PCDHGA1: variants seen among roughly 807,000 people sequenced by gnomAD.
PCDHGA1 encodes the protein protocadherin gamma subfamily A, 1.
PCDHGA1 carries 32 observed loss-of-function variants against 58.0 expected under a neutral mutation model. That is an observed-to-expected ratio of 0.55 (90% CI 0.42 to 0.74). The LOEUF is 0.74. Ranked by LOEUF, PCDHGA1 falls within the 30% of genes least tolerant of loss-of-function variation. The pLI, the probability that PCDHGA1 is intolerant of heterozygous loss-of-function variation, is 0.00. For missense variants in PCDHGA1, 1,205 were observed against 1,182.3 expected, an observed-to-expected ratio of 1.02 and a Z score of -0.28; for synonymous variants, 498 against 501.1, an observed-to-expected ratio of 0.99 and a Z score of 0.08.
rs764658508 is a variant in PCDHGA1 at position 141,431,546 on chromosome 5, G to A, written c.2422-63261G>A. 1.2e-6 allele frequency: 2 copies of A among 1,614,000 alleles called. No homozygotes were observed. Among genetic ancestry groups the A allele is most frequent in the Admixed American group, 3.3e-5 (2 of 60,012 alleles). On this transcript the variant is annotated intron_variant, in intron 1 of 3. Coordinates refer to ENST00000517417, the MANE Select transcript of PCDHGA1 (RefSeq NM_018912.3). This position sits in a 1 kb window ranked among gnomAD's most constrained non-coding sequence, Gnocchi z 4.8. The stretch of plus-strand genomic sequence containing the variant: ...TCTGGCCTTGGGCACGCAGCTGCTT[G>A]TAGTCAACGCTACCGACCCTGACGA...
intron 1 of PCDHGA1, among the ~76,000 whole-genome samples, chr5:141,348,788 G>A (rs1375979447): frequency 6.6e-6 from 1 of 152,164 alleles, no homozygotes; most frequent in Non-Finnish European, 1.5e-5. Flanking sequence ...CAAGTGAAAA[G>A]GTATCTTAAG....
chr5:141,343,206 A>G (rs1561486217), intron 1 of PCDHGA1: 20 of 720,410 alleles, frequency 2.8e-5, no homozygotes, highest in Non-Finnish European at 3.1e-5. Flanking sequence ...ATGCCTAATT[A>G]TGTGTTTGTT....
intron 2 of PCDHGA1, among the ~76,000 whole-genome samples, chr5:141,500,184 TTTTATTTA>T (rs58019021): frequency 0.099 from 13,469 of 135,812 alleles, 757 homozygotes; most frequent in African/African-American, 0.15. Context: ...TCATTTTTAT[TTTTATTTA>T]TTTATTTATT....
At position 141,410,301 on chromosome 5, in the gene PCDHGA1, C is replaced by A. The variant is rs1294760427; in HGVS notation, c.2421+77196C>A. ...CTGGTGGTGGCCTTGGCCTTAATCT[C>A]AGTGCTCTTCCTCCTCGCCGTGATT... On this transcript the variant is annotated intron_variant, in intron 1 of 3. Transcript: ENST00000517417. 2.5e-6 allele frequency: 4 copies of A among 1,614,030 alleles called. No individual in the cohort carries two copies. In the Admixed American group the frequency reaches 6.7e-5, roughly 27 times the overall value.
chr5:141,366,032 C>T (rs754474451), intron 1 of PCDHGA1: 3 of 1,614,266 alleles, frequency 1.9e-6, no homozygotes, highest in South Asian at 2.2e-5. Context: ...CCCCGCCCTC[C>T]CCACAGACGG....
intron 1 of PCDHGA1, among the ~76,000 whole-genome samples, chr5:141,453,101 T>TTTTTG (rs879618609): frequency 3.2e-4 from 49 of 152,130 alleles, no homozygotes; most frequent in Middle Eastern, 6.8e-3. Flanking sequence ...TTCTGTTGCT[T>TTTTTG]TTTTGTTTTG....
At chr5:141,478,127 C>A (rs1323163663) in intron 1 of PCDHGA1, 1 of 1,614,106 alleles carries the variant, frequency 6.2e-7, no homozygotes, top group South Asian at 1.1e-5. Flanking sequence ...CGAGGACTCT[C>A]CTGAAGCCCG....
intron 1 of PCDHGA1, chr5:141,393,194 C>G (rs770162660): frequency 6.2e-7 from 1 of 1,613,362 alleles, no homozygotes. Flanking sequence ...TTGATATTAA[C>G]GATAATAACC....
At chr5:141,450,675 C>T (rs377412699) in intron 1 of PCDHGA1, among the ~76,000 whole-genome samples, 3 of 151,614 alleles carry the variant, frequency 2.0e-5, no homozygotes, top group South Asian at 4.2e-4. Flanking sequence ...TTAGTAGAAA[C>T]GGGGTTTTGC....
intron 1 of PCDHGA1, chr5:141,418,513 G>T (rs377653202): frequency 1.1e-4 from 173 of 1,613,842 alleles, no homozygotes; most frequent in Non-Finnish European, 1.2e-4. Flanking sequence ...TAGATGGTGG[G>T]GACCCTCCCC....
In PCDHGA1 at chr5:141,510,353, C is replaced by G. The variant is rs74759939; in HGVS notation, c.2570-594C>G. On this transcript the variant is annotated intron_variant, in intron 3 of 3. Transcript: ENST00000517417. ...CACCCCCACCCCACACACTTACTAA[C>G]GGAACTACCGAATCTCTACTCGTGC... is the stretch of plus-strand genomic sequence containing the variant. Among the ~76,000 whole-genome samples the G allele has an allele frequency of 1.9e-4, 28 of 146,588 alleles. No homozygotes were observed. The East Asian group carries it at 5.6e-3, about 29-fold the overall frequency.
rs2154573815 is a variant in PCDHGA1 at position 141,475,798 on chromosome 5, CAAAGG to C, written c.2422-19004_2422-19000del. ...TTGGCTGGAAACTCTGGAAGGAAGC[CAAAGG>C]AAAGTGAAGTTCCTGGCGCTAGCGC... On this transcript the variant is annotated intron_variant, in intron 1 of 3. Coordinates refer to ENST00000517417, the MANE Select transcript of PCDHGA1 (RefSeq NM_018912.3). The C allele has an allele frequency of 9.7e-6, 3 of 309,052 alleles. No homozygotes were observed. The South Asian group carries it at 2.0e-4, about 21-fold the overall frequency. 19.1% of individuals were successfully genotyped at this position (309,052 alleles called of 1,614,324 possible).
chr5:141,413,418 G>C (rs748857146), intron 1 of PCDHGA1: 1 of 1,614,084 alleles, frequency 6.2e-7, no homozygotes, highest in Admixed American at 1.7e-5. Context: ...TTTTCTCTCT[G>C]AACCCGCGCA....
chr5:141,383,705 T>C lies in PCDHGA1; in HGVS notation c.2421+50600T>C, dbSNP rs765563941. The C allele has an allele frequency of 5.0e-6, 8 of 1,614,020 alleles. No individual in the cohort carries two copies. In the South Asian group the frequency reaches 8.8e-5, roughly 18 times the overall value. ...CTGCTCACGGTACATGCTATCGACC[T>C]GGACGAGGGAGTCAATGGGGAAGTG... On this transcript the variant is annotated intron_variant, in intron 1 of 3. Transcript: ENST00000517417.
chr5:141,400,194 G>T (rs2093978875), intron 1 of PCDHGA1: 2 of 1,614,034 alleles, frequency 1.2e-6, no homozygotes, highest in Non-Finnish European at 1.7e-6. Flanking sequence ...TTTACCTAGT[G>T]GTGGCCTTGG....
At chr5:141,366,698 C>T (rs749393515) in intron 1 of PCDHGA1, 1 of 1,614,236 alleles carries the variant, frequency 6.2e-7, no homozygotes, top group Non-Finnish European at 8.5e-7. Flanking sequence ...GAAAAGCGAG[C>T]CTCTTCTGAT....
intron 3 of PCDHGA1, among the ~76,000 whole-genome samples, chr5:141,506,877 G>A (rs998146154): frequency 1.3e-5 from 2 of 152,142 alleles, no homozygotes; most frequent in Non-Finnish European, 2.9e-5. Flanking sequence ...AGAGAACCAG[G>A]TGAAATCACA....
chr5:141,474,847 GCCTTCT>G (rs906863967), intron 1 of PCDHGA1, among the ~76,000 whole-genome samples: 3 of 152,198 alleles, frequency 2.0e-5, no homozygotes, highest in African/African-American at 7.2e-5. Context: ...CACTTTACCT[GCCTTCT>G]TCATTTAATA....
At chr5:141,372,205 T>C (rs750507972) in intron 1 of PCDHGA1, 2 of 1,613,426 alleles carry the variant, frequency 1.2e-6, no homozygotes, top group African/African-American at 2.7e-5. Context: ...AACGCCTGGC[T>C]GTCCTACCAC....
Sources: allele counts gnomAD v4.1 joint callset (sites outside exome capture counted in the v4.1 genomes callset), GRCh38; gene constraint gnomAD v4.1.1; non-coding constraint Gnocchi (gnomAD v3.1); transcripts MANE v1.5; gene names NCBI Gene and HGNC (gene_info 2026-07-23, HGNC 2026-07-21).